THADA: variants seen among roughly 807,000 people sequenced by gnomAD.
The protein encoded by THADA is tRNA (32-2'-O)-methyltransferase regulator THADA.
A neutral mutation model predicts 219.8 loss-of-function variants in THADA; 213 were observed. That is an observed-to-expected ratio of 0.97 (90% confidence interval 0.87 to 1.09). The LOEUF is 1.09. Among genes scored for constraint, THADA ranks in the 50% least tolerant of loss-of-function variants. THADA has a pLI of 0.00. For missense variants in THADA, 2,956 were observed against 2,311.3 expected (o/e 1.28, Z -5.72); for synonymous variants, 1,018 against 828.9 (o/e 1.23, Z -3.92).
chr2:43,328,090 C>T (rs1679539905), intron 30 of THADA, among the ~76,000 whole-genome samples: 1 of 152,178 alleles, frequency 6.6e-6, no homozygotes, highest in Admixed American at 6.5e-5. Flanking sequence ...AAAAAGAACC[C>T]ACATCTGCCA....
At chr2:43,438,144 T>TA (rs1393027626) in intron 26 of THADA, among the ~76,000 whole-genome samples, 1 of 150,714 alleles carries the variant, frequency 6.6e-6, no homozygotes, top group South Asian at 2.1e-4. Flanking sequence ...TACTAAAAAT[T>TA]AAAAAAAATT....
At chr2:43,417,746 C>T (rs995327135) in intron 28 of THADA, among the ~76,000 whole-genome samples, 22 of 152,186 alleles carry the variant, frequency 1.4e-4, no homozygotes, top group South Asian at 8.3e-4. Context: ...ATAGCTAAAG[C>T]AGTCGCTAAC....
intron 14 of THADA, 96 bp downstream of exon 14, chr2:43,570,292 T>A: frequency 8.0e-7 from 1 of 1,252,316 alleles, no homozygotes; most frequent in Non-Finnish European, 1.1e-6. Flanking sequence ...AGAAACACAA[T>A]TTACCAAGAG....
intron 31 of THADA, among the ~76,000 whole-genome samples, chr2:43,300,379 C>T (rs1275391999): frequency 6.6e-6 from 1 of 151,982 alleles, no homozygotes; most frequent in East Asian, 1.9e-4. Flanking sequence ...ATGAGGTAGG[C>T]TCTATTATTA....
At chr2:43,482,650 C>T (rs1686372828) in intron 26 of THADA, among the ~76,000 whole-genome samples, 1 of 152,096 alleles carries the variant, frequency 6.6e-6, no homozygotes, top group South Asian at 2.1e-4. Context: ...ATTCATTAGG[C>T]AATTATTCCT....
At chr2:43,573,579 T>C (rs1699524608) in intron 11 of THADA, among the ~76,000 whole-genome samples, 1 of 152,206 alleles carries the variant, frequency 6.6e-6, no homozygotes, top group Non-Finnish European at 1.5e-5. Context: ...ACAAGTGTTG[T>C]CAAAAATTAC....
At chr2:43,585,515 C>T (rs1371210179) in intron 7 of THADA, among the ~76,000 whole-genome samples, 2 of 132,090 alleles carry the variant, frequency 1.5e-5, no homozygotes, top group Non-Finnish European at 3.2e-5. Context: ...GAGACCCTGT[C>T]ACAAAGAAAA....
chr2:43,416,617 A>G (rs1234150246), intron 28 of THADA, among the ~76,000 whole-genome samples: 1 of 152,220 alleles, frequency 6.6e-6, no homozygotes, highest in Non-Finnish European at 1.5e-5. Flanking sequence ...CAAATGTCCC[A>G]GATCAGGAAT....
At position 43,500,081 on chromosome 2, in the gene THADA, T is replaced by C. The variant is rs532187431; in HGVS notation, c.3622-1126A>G. On this transcript the variant is annotated intron_variant, in intron 24 of 37. Coordinates refer to ENST00000405975, the MANE Select transcript of THADA (RefSeq NM_022065.5). ...CAAATAAAAAATATTATCAAAGAGT[T>C]TGAAGCTACAATGAGCTAAGACTGT... 2.6e-5 allele frequency among the ~76,000 whole-genome samples: 4 copies of C among 152,130 alleles called. No homozygotes were observed. In the East Asian group the frequency reaches 5.8e-4, roughly 22 times the overall value.
At chr2:43,422,270 G>A (rs114686127) in intron 28 of THADA, among the ~76,000 whole-genome samples, 200 of 152,144 alleles carry the variant, frequency 1.3e-3, no homozygotes, top group African/African-American at 4.2e-3. Context: ...GAAATTATGC[G>A]CCTTCTACCA....
chr2:43,409,744 G>A (rs976777033), intron 28 of THADA, among the ~76,000 whole-genome samples: 3 of 152,136 alleles, frequency 2.0e-5, no homozygotes, highest in African/African-American at 7.2e-5. Context: ...ACAAAAGCAG[G>A]CATGATGGCT....
At chr2:43,510,937 C>A (rs1233930732) in intron 22 of THADA, among the ~76,000 whole-genome samples, 2 of 151,278 alleles carry the variant, frequency 1.3e-5, no homozygotes, top group Non-Finnish European at 2.9e-5. Flanking sequence ...CGCCACTGCA[C>A]TCTAGCCTGG....
intron 28 of THADA, among the ~76,000 whole-genome samples, chr2:43,404,532 C>A (rs1419529677): frequency 6.6e-6 from 1 of 152,006 alleles, no homozygotes; most frequent in African/African-American, 2.4e-5. Flanking sequence ...CTTTACTGTA[C>A]CTTCTGTGAT....
chr2:43,515,275 A>G (rs1231010997), intron 22 of THADA, among the ~76,000 whole-genome samples: 3 of 37,314 alleles, frequency 8.0e-5, no homozygotes, highest in South Asian at 6.2e-4. Context: ...TATATAATAT[A>G]TAATATATTA....
intron 23 of THADA, among the ~76,000 whole-genome samples, chr2:43,506,683 C>A (rs909081355): frequency 6.6e-6 from 1 of 152,040 alleles, no homozygotes; most frequent in African/African-American, 2.4e-5. Flanking sequence ...TACTGAAAAC[C>A]ACTGAATTGT....
chr2:43,557,634 T>C (rs925225906), intron 16 of THADA, among the ~76,000 whole-genome samples: 1 of 152,226 alleles, frequency 6.6e-6, no homozygotes, highest in Admixed American at 6.5e-5. Context: ...GTTGTAGTCA[T>C]GGAAAGGCAC....
At chr2:43,232,678 C>G (rs1226335396) in intron 37 of THADA, 35 bp downstream of exon 37, 7 of 1,609,604 alleles carry the variant, frequency 4.3e-6, no homozygotes, top group Non-Finnish European at 5.9e-6. Context: ...GACACTCCAA[C>G]CCTGCCTCCT....
intron 29 of THADA, among the ~76,000 whole-genome samples, chr2:43,371,585 C>A (rs554832966): frequency 7.9e-5 from 12 of 152,164 alleles, no homozygotes; most frequent in East Asian, 3.9e-4. Context: ...AGAAAAAAAA[C>A]AAAACATGCA....
chr2:43,392,556 T>C (rs1370168553), intron 29 of THADA, among the ~76,000 whole-genome samples: 1 of 152,166 alleles, frequency 6.6e-6, no homozygotes, highest in Admixed American at 6.5e-5. Context: ...TTTCTGGTTT[T>C]CTTCCCGTAA....
Sources: allele counts gnomAD v4.1 joint callset (sites outside exome capture counted in the v4.1 genomes callset), GRCh38; gene constraint gnomAD v4.1.1; transcripts MANE v1.5; gene names NCBI Gene and HGNC (gene_info 2026-07-23, HGNC 2026-07-21).